The following EPB41L4A variants were observed in gnomAD, a reference collection of about 807,000 sequenced individuals.
The protein encoded by EPB41L4A is band 4.1-like protein 4A.
In EPB41L4A, 100 loss-of-function variants were observed where a neutral mutation model predicts 108.6. The observed-to-expected ratio is 0.92, with a 90% confidence interval of 0.78 to 1.09. EPB41L4A has a LOEUF of 1.09. EPB41L4A is among the 50% of genes least tolerant of loss of function. The pLI, the probability that EPB41L4A is intolerant of heterozygous loss-of-function variation, is 0.00. For synonymous variants in EPB41L4A, 319 were observed against 289.0 expected (o/e 1.10, Z -1.05); for missense variants, 1,030 against 842.7 (o/e 1.22, Z -2.75).
intron 4 of EPB41L4A, among the ~76,000 whole-genome samples, chr5:112,269,823 C>T (rs565031365): frequency 6.6e-6 from 1 of 152,138 alleles, no homozygotes; most frequent in Non-Finnish European, 1.5e-5. Context: ...CTTCATGAAG[C>T]AGTTTCTGGT....
chr5:112,254,044 G>T (rs140188508), intron 9 of EPB41L4A, among the ~76,000 whole-genome samples: 38 of 152,240 alleles, frequency 2.5e-4, no homozygotes, highest in African/African-American at 9.1e-4. Flanking sequence ...GAGTTGCCAG[G>T]AACCTTTTGG....
chr5:112,313,793 T>G (rs931507013), intron 1 of EPB41L4A, among the ~76,000 whole-genome samples: 1 of 151,942 alleles, frequency 6.6e-6, no homozygotes, highest in Non-Finnish European at 1.5e-5. Flanking sequence ...GAGCTGTTAA[T>G]TTGTATACTA....
At chr5:112,403,838 C>T (rs964809804) in intron 1 of EPB41L4A, among the ~76,000 whole-genome samples, 6 of 152,118 alleles carry the variant, frequency 3.9e-5, no homozygotes, top group African/African-American at 1.2e-4. Context: ...CCTCTTTATG[C>T]TTGGGCAGGC....
intron 1 of EPB41L4A, among the ~76,000 whole-genome samples, chr5:112,319,632 G>A (rs1339349053): frequency 6.6e-6 from 1 of 152,176 alleles, no homozygotes; most frequent in Non-Finnish European, 1.5e-5. Context: ...CCGAAATTGA[G>A]GGACATTGTG....
At chr5:112,355,558 G>A (rs1758309292) in intron 1 of EPB41L4A, among the ~76,000 whole-genome samples, 1 of 152,086 alleles carries the variant, frequency 6.6e-6, no homozygotes, top group Non-Finnish European at 1.5e-5. Flanking sequence ...GTTCATTTCT[G>A]GTTCCTCATT....
At chr5:112,355,543 G>A (rs1758308610) in intron 1 of EPB41L4A, among the ~76,000 whole-genome samples, 1 of 152,140 alleles carries the variant, frequency 6.6e-6, no homozygotes, top group South Asian at 2.1e-4. Context: ...TTTCCAATAT[G>A]ATGAGTTCAT....
intron 9 of EPB41L4A, among the ~76,000 whole-genome samples, chr5:112,250,196 T>C (rs892008303): frequency 1.3e-5 from 2 of 152,206 alleles, no homozygotes; most frequent in African/African-American, 4.8e-5. Flanking sequence ...TTATCAGCTA[T>C]GTGGGTTATA....
chr5:112,229,861 G>A (rs565059260), intron 12 of EPB41L4A, among the ~76,000 whole-genome samples: 32 of 151,786 alleles, frequency 2.1e-4, no homozygotes, highest in Non-Finnish European at 3.2e-4. Flanking sequence ...GGTGGTGGTC[G>A]CCTGTAGTCC....
At chr5:112,192,597 C>G (rs1418328314) in intron 17 of EPB41L4A, among the ~76,000 whole-genome samples, 1 of 152,100 alleles carries the variant, frequency 6.6e-6, no homozygotes, top group African/African-American at 2.4e-5. Context: ...ACAAAGAAAG[C>G]CAATCTAATC....
At chr5:112,245,371 T>G (rs1258500714) in intron 9 of EPB41L4A, among the ~76,000 whole-genome samples, 1 of 152,172 alleles carries the variant, frequency 6.6e-6, no homozygotes, top group African/African-American at 2.4e-5. Flanking sequence ...TTGAAATGAT[T>G]TGTCTCCTAC....
intron 1 of EPB41L4A, among the ~76,000 whole-genome samples, chr5:112,374,556 T>C (rs1427028245): frequency 6.6e-6 from 1 of 152,212 alleles, no homozygotes; most frequent in Non-Finnish European, 1.5e-5. Flanking sequence ...TATTTTGCCT[T>C]CCAGGTCTTC....
chr5:112,151,674 C>G (rs918142195), intron 12 of EPB41L4A, among the ~76,000 whole-genome samples: 8 of 151,652 alleles, frequency 5.3e-5, no homozygotes, highest in Non-Finnish European at 1.2e-4. Context: ...TCCTGAAATG[C>G]TGTGATTACA....
chr5:112,195,779 G>A lies in EPB41L4A; in HGVS notation c.1377-71C>T. On this transcript the variant is annotated intron_variant, in intron 15 of 22. Transcript: ENST00000261486. ...TTGGCTAAGGAAAGCACACCAAAAT[G>A]AGTTTCACTTCAGTTAACACATATT... 4.5e-6 allele frequency: 6 copies of A among 1,343,458 alleles called. No individual in the cohort carries two copies. In the South Asian group the frequency reaches 4.9e-5, roughly 11 times the overall value. The allele number at this position is 1,343,458 out of a possible 1,614,324, so 83.2% of individuals were successfully genotyped here.
At chr5:112,229,524 C>T (rs1561492647) in intron 12 of EPB41L4A, among the ~76,000 whole-genome samples, 1 of 152,112 alleles carries the variant, frequency 6.6e-6, no homozygotes. Flanking sequence ...AAGCAGTGTA[C>T]ACTGTACCCA....
intron 1 of EPB41L4A, among the ~76,000 whole-genome samples, chr5:112,350,053 T>C (rs11744328): frequency 0.44 from 66,545 of 152,152 alleles, 15,731 homozygotes; most frequent in South Asian, 0.59. Context: ...TATTCTGTAA[T>C]ATGCAGTCCA....
At chr5:112,208,824 T>C (rs1223361509) in intron 13 of EPB41L4A, among the ~76,000 whole-genome samples, 3 of 152,228 alleles carry the variant, frequency 2.0e-5, no homozygotes, top group Non-Finnish European at 4.4e-5. Context: ...CCTGTTCTTA[T>C]GCTGAACATA....
Position 112,332,037 on chromosome 5 carries a change from G to T in EPB41L4A, c.100-24547C>A, listed in dbSNP as rs78256779. 1.5e-4 allele frequency among the ~76,000 whole-genome samples: 23 copies of T among 152,332 alleles called. No homozygotes were observed. The Middle Eastern group carries it at 0.01, about 68-fold the overall frequency. Reference sequence around the variant, plus strand: ...TCTCAGACCAAATGAACTGGGAACAGGAACAGAAACCGAAGGAATCTAAGG... The same window carrying T: ...TCTCAGACCAAATGAACTGGGAACATGAACAGAAACCGAAGGAATCTAAGG... On this transcript the variant is annotated intron_variant, in intron 1 of 22. Coordinates refer to ENST00000261486, the MANE Select transcript of EPB41L4A (RefSeq NM_022140.5).
At chr5:112,357,454 C>T (rs1367038766) in intron 1 of EPB41L4A, among the ~76,000 whole-genome samples, 2 of 152,226 alleles carry the variant, frequency 1.3e-5, no homozygotes, top group Admixed American at 1.3e-4. Flanking sequence ...GTATCTCTAA[C>T]ACCTACTCCT....
exon 14 of EPB41L4A, chr5:112,143,244 C>T (rs1344456187): frequency 2.0e-5 from 3 of 152,082 alleles, no homozygotes; most frequent in African/African-American, 7.2e-5. Context: ...AGTTTCAGGG[C>T]AGTTAGTCAT....
Sources: gnomAD v4.1 joint callset for allele counts (sites outside exome capture counted in the v4.1 genomes callset) on GRCh38, gnomAD v4.1.1 for gene constraint, MANE v1.5 for transcripts, NCBI Gene and HGNC (gene_info 2026-07-23, HGNC 2026-07-21) for gene names.